Variants in SCUBE3 observed in about 807,000 individuals in gnomAD.
SCUBE3 encodes signal peptide, CUB domain and EGF like domain containing 3, also known as signal peptide, CUB and EGF-like domain-containing protein 3.
SCUBE3 carries 33 observed loss-of-function variants against 116.8 expected under a neutral mutation model. The observed-to-expected ratio is 0.28, with a 90% CI of 0.21 to 0.38. The LOEUF (loss-of-function observed/expected upper bound fraction) is 0.38. Among genes scored for constraint, SCUBE3 ranks in the 10% least tolerant of loss-of-function variants. SCUBE3 has a pLI of 1.00. For missense variants in SCUBE3, 1,007 were observed against 1,324.8 expected (o/e 0.76, Z 3.72); for synonymous variants, 418 against 496.9 (o/e 0.84, Z 2.11).
Position 35,214,376 on chromosome 6 carries a change from C to T in SCUBE3, c.-43C>T. On this transcript the variant is annotated 5_prime_UTR_variant, in exon 1 of 22. Coordinates refer to ENST00000274938, the MANE Select transcript of SCUBE3 (RefSeq NM_152753.4). The surrounding 1 kb of genome is among the most constrained non-coding windows in gnomAD (Gnocchi z 6.3). ...CGGCCGGCTTCCGCCCTCCCCTGGC[C>T]GCGAGACCGGCCCCGGCGGCTGGGC... 3 of 1,340,780 alleles carry T rather than the reference C, an allele frequency of 2.2e-6. No homozygotes were observed. Among genetic ancestry groups the T allele is most frequent in the Non-Finnish European group, 2.9e-6 (3 of 1,024,144 alleles). 83.1% of individuals were successfully genotyped at this position (1,340,780 alleles called of 1,614,324 possible).
At position 35,245,480 on chromosome 6, in the gene SCUBE3, G is replaced by A. The variant is rs899573215; in HGVS notation, c.2599+55G>A. On this transcript the variant is annotated intron_variant, in intron 19 of 21. Coordinates refer to ENST00000274938, the MANE Select transcript of SCUBE3 (RefSeq NM_152753.4). This position sits in a 1 kb window ranked among gnomAD's most constrained non-coding sequence, Gnocchi z 4.2. ...AGGGCAGTCCAAATCTGGTTAAGGC[G>A]GAGAACAAAGAGAGAGACTGATACA... is the stretch of plus-strand genomic sequence containing the variant. 7.7e-6 allele frequency: 11 copies of A among 1,435,166 alleles called. No homozygotes were observed. The highest frequency in any genetic ancestry group is 5.6e-5 in the African/African-American group (4 of 71,574). The allele number at this position is 1,435,166 out of a possible 1,614,324, so 88.9% of individuals were successfully genotyped here. A position where few individuals can be genotyped will look rare whatever the true frequency, so the allele number is the denominator to read the frequency against.
rs1031858958 is a variant in SCUBE3, at chr6:35,243,537, G to T, written c.1910-57G>T. ...GCGGGGAGTGGGAAGGGGAGTCCCAGGCCTGGGTGGTGGGAAATGCGGGGG... is the reference window on the plus strand; with the variant it reads ...GCGGGGAGTGGGAAGGGGAGTCCCATGCCTGGGTGGTGGGAAATGCGGGGG... On this transcript the variant is annotated intron_variant, in intron 15 of 21. Transcript: ENST00000274938. The surrounding 1 kb of genome is among the most constrained non-coding windows in gnomAD (Gnocchi z 6.6). The T allele has an allele frequency of 4.7e-6, 7 of 1,477,362 alleles. No homozygotes were observed. Among genetic ancestry groups the T allele is most frequent in the African/African-American group, 2.8e-5 (2 of 72,090 alleles). 91.5% of individuals were successfully genotyped at this position (1,477,362 alleles called of 1,614,324 possible). A position where few individuals can be genotyped will look rare whatever the true frequency, so the allele number is the denominator to read the frequency against.
rs770246723 is a variant in SCUBE3 at position 35,245,935 on chromosome 6, C to A, written c.2600-9C>A. 1.2e-6 allele frequency: 2 copies of A among 1,613,480 alleles called. No individual in the cohort carries two copies. Among genetic ancestry groups the A allele is most frequent in the Non-Finnish European group, 1.7e-6 (2 of 1,179,600 alleles). ...TGCTGCTCTACTGACCTGCTGCTTGCCTTCCCAGCATCCCCATCCTCCATT... is the reference window on the plus strand; with the variant it reads ...TGCTGCTCTACTGACCTGCTGCTTGACTTCCCAGCATCCCCATCCTCCATT... On this transcript the variant is annotated splice_polypyrimidine_tract_variant and intron_variant, in intron 19 of 21. Transcript: ENST00000274938. This position sits in a 1 kb window ranked among gnomAD's most constrained non-coding sequence, Gnocchi z 4.2.
intron 1 of SCUBE3, among the ~76,000 whole-genome samples, chr6:35,225,079 T>C (rs1013823429): frequency 3.3e-5 from 5 of 151,674 alleles, no homozygotes; most frequent in African/African-American, 9.8e-5. Flanking sequence ...GTGGCTGTCA[T>C]ACTGTCTCGA....
Position 35,227,632 on chromosome 6 carries a change from C to T in SCUBE3, c.138C>T (p.Cys46=). 6.2e-7 allele frequency: 1 copy of T among 1,614,038 alleles called. No individual in the cohort carries two copies. The highest frequency in any genetic ancestry group is 8.5e-7 in the Non-Finnish European group (1 of 1,179,930). Residue 46 remains cysteine (C), a synonymous_variant, in exon 2 of 22, where the codon TGC becomes TGT. Coordinates refer to ENST00000274938, the MANE Select transcript of SCUBE3 (RefSeq NM_152753.4). ...ACAACTGCCACATCGATGCTATCTG[C>T]CAGAACACCCCGAGGTCATACAAGT... ...GTDNCHIDAI[C]QNTPRSYKCI...
At chr6:35,236,696 G>A (rs1017123744) in intron 6 of SCUBE3, among the ~76,000 whole-genome samples, 2 of 152,228 alleles carry the variant, frequency 1.3e-5, no homozygotes, top group Non-Finnish European at 2.9e-5. Flanking sequence ...GGGCCTGAGT[G>A]TGGGGAGTCA....
intron 1 of SCUBE3, chr6:35,223,880 C>G (rs909890182): frequency 1.3e-5 from 2 of 152,180 alleles, no homozygotes; most frequent in Admixed American, 1.3e-4. Context: ...TAGGTCTGTT[C>G]TGCTTCAAAA....
In SCUBE3 at chr6:35,245,523, G is replaced by T. The variant is rs1003481049; in HGVS notation, c.2599+98G>T. ...CTGATACAGGAAGAAATGGGGCAGT[G>T]AAGTTAGGGATCTATGAGGGTGAAA... On this transcript the variant is annotated intron_variant, in intron 19 of 21. Coordinates refer to ENST00000274938, the MANE Select transcript of SCUBE3 (RefSeq NM_152753.4). This position sits in a 1 kb window ranked among gnomAD's most constrained non-coding sequence, Gnocchi z 4.2. 1.0e-4 allele frequency: 103 copies of T among 998,140 alleles called. 1 individual carries two copies. In the Admixed American group the frequency reaches 1.9e-3, roughly 19 times the overall value. The allele number at this position is 998,140 out of a possible 1,614,324, so 61.8% of individuals were successfully genotyped here.
chr6:35,245,362 G>A lies in SCUBE3; in HGVS notation c.2536G>A (p.Val846Ile). ...ACCCAAGCGCAAGATCCTTATCGTG[G>A]TACCAGAGATCTTCCTGCCATCTGA... is the stretch of plus-strand genomic sequence containing the variant. ...PPPKRKILIV[V>I]PEIFLPSEDE... is the part of the protein sequence containing the mutation. Residue 846 changes from valine to isoleucine, a missense_variant, in exon 19 of 22, where the codon GTA becomes ATA. Val to Ile is a conservative substitution (Grantham distance 29). Transcript: ENST00000274938. This position sits in a 1 kb window ranked among gnomAD's most constrained non-coding sequence, Gnocchi z 4.2. The A allele has an allele frequency of 6.2e-7, 1 of 1,614,160 alleles. No individual in the cohort carries two copies.
Position 35,219,585 on chromosome 6 carries a change from C to G in SCUBE3, c.85+5082C>G, listed in dbSNP as rs903186904. On this transcript the variant is annotated intron_variant, in intron 1 of 21. Coordinates refer to ENST00000274938, the MANE Select transcript of SCUBE3 (RefSeq NM_152753.4). This position sits in a 1 kb window ranked among gnomAD's most constrained non-coding sequence, Gnocchi z 4.7. ...CTTCAGGTCTGGTCACTGGTGGTAA[C>G]AAGCTGAGGAAAGACCTGGGCAGGG... Among the ~76,000 whole-genome samples, 3 of 152,010 alleles carry G rather than the reference C, an allele frequency of 2.0e-5. No homozygotes were observed. Among genetic ancestry groups the G allele is most frequent in the African/African-American group, 7.3e-5 (3 of 41,326 alleles).
At position 35,232,716 on chromosome 6, in the gene SCUBE3, A is replaced by G; in HGVS notation, c.470-134A>G. On this transcript the variant is annotated intron_variant, in intron 4 of 21. Transcript: ENST00000274938. This position sits in a 1 kb window ranked among gnomAD's most constrained non-coding sequence, Gnocchi z 4.2. ...AAGACAGGAGGCCTGGGACAAGGAG[A>G]GTCAGTCCCCTCGTGTTGAATTCAA... 1 of 819,854 alleles carries G rather than the reference A, an allele frequency of 1.2e-6. No homozygotes were observed. The allele number at this position is 819,854 out of a possible 1,614,324, so 50.8% of individuals were successfully genotyped here.
rs567721599 is a variant in SCUBE3 at position 35,240,595 on chromosome 6, A to G, written c.1069+105A>G. ...GCTTGTGGCTATGGGCAATCCCTGGATGCATGCACCATGTCTGCATCCGCT... is the reference window on the plus strand; with the variant it reads ...GCTTGTGGCTATGGGCAATCCCTGGGTGCATGCACCATGTCTGCATCCGCT... On this transcript the variant is annotated intron_variant, in intron 9 of 21. Coordinates refer to ENST00000274938, the MANE Select transcript of SCUBE3 (RefSeq NM_152753.4). This position sits in a 1 kb window ranked among gnomAD's most constrained non-coding sequence, Gnocchi z 4.6. 1.4e-4 allele frequency: 81 copies of G among 588,596 alleles called. No homozygotes were observed. In the East Asian group the frequency reaches 2.4e-3, roughly 17 times the overall value. 36.5% of individuals were successfully genotyped at this position (588,596 alleles called of 1,614,324 possible).
intron 6 of SCUBE3, among the ~76,000 whole-genome samples, chr6:35,236,469 G>A (rs565092617): frequency 2.0e-5 from 3 of 152,348 alleles, no homozygotes; most frequent in Non-Finnish European, 4.4e-5. Context: ...CGGGTGGCTA[G>A]CCTTGGAACC....
Position 35,243,444 on chromosome 6 carries a change from C to T in SCUBE3, c.1910-150C>T, listed in dbSNP as rs116154175. The T allele has an allele frequency of 3.1e-3, 2,712 of 874,624 alleles. 57 individuals are homozygous for T. In the African/African-American group the frequency reaches 0.041, roughly 13 times the overall value. The allele number at this position is 874,624 out of a possible 1,614,324, so 54.2% of individuals were successfully genotyped here. On this transcript the variant is annotated intron_variant, in intron 15 of 21. Coordinates refer to ENST00000274938, the MANE Select transcript of SCUBE3 (RefSeq NM_152753.4). This position sits in a 1 kb window ranked among gnomAD's most constrained non-coding sequence, Gnocchi z 6.6. ...CAATCCTCCTGCACACGGTTTTGACCCTCCTATCCCCCCAAGTAGGATTGT... is the reference window on the plus strand; with the variant it reads ...CAATCCTCCTGCACACGGTTTTGACTCTCCTATCCCCCCAAGTAGGATTGT...
chr6:35,218,055 A>T, intron 1 of SCUBE3: 1 of 792,090 alleles, frequency 1.3e-6, no homozygotes, highest in South Asian at 5.8e-5. Flanking sequence ...CTAAGGCCAG[A>T]ATTACTGCAG....
Position 35,227,629 on chromosome 6 carries a change from C to T in SCUBE3, c.135C>T (p.Ile45=), listed in dbSNP as rs1234923027. 1 of 1,614,010 alleles carries T rather than the reference C, an allele frequency of 6.2e-7. No individual in the cohort carries two copies. The highest frequency in any genetic ancestry group is 2.2e-5 in the East Asian group (1 of 44,898). The change falls in exon 2 of 22, where the codon ATC becomes ATT. Residue 45 remains isoleucine (I), a synonymous_variant. Transcript: ENST00000274938. ...EGTDNCHIDA[I]CQNTPRSYKC... is the part of the protein sequence containing the mutation. ...CTGACAACTGCCACATCGATGCTAT[C>T]TGCCAGAACACCCCGAGGTCATACA...
rs958413887 is a variant in SCUBE3, at chr6:35,219,111, A to G, written c.85+4608A>G. On this transcript the variant is annotated intron_variant, in intron 1 of 21. Coordinates refer to ENST00000274938, the MANE Select transcript of SCUBE3 (RefSeq NM_152753.4). The surrounding 1 kb of genome is among the most constrained non-coding windows in gnomAD (Gnocchi z 4.7). ...CTGCCTGAGGCTAGGTCATCTGGAT[A>G]CTCTTCCTTTCTTCCCCCACCCCAG... Among the ~76,000 whole-genome samples the G allele has an allele frequency of 1.3e-5, 2 of 151,846 alleles. No homozygotes were observed. Among genetic ancestry groups the G allele is most frequent in the Non-Finnish European group, 2.9e-5 (2 of 67,954 alleles).
intron 6 of SCUBE3, among the ~76,000 whole-genome samples, chr6:35,234,616 A>G (rs1783685119): frequency 6.6e-6 from 1 of 151,976 alleles, no homozygotes; most frequent in Admixed American, 6.6e-5. Context: ...TTTTTTACTC[A>G]TAGGTCTAAT....
In SCUBE3 at chr6:35,227,527, C is replaced by T. The variant is rs1783376254; in HGVS notation, c.86-53C>T. On this transcript the variant is annotated intron_variant, in intron 1 of 21. Coordinates refer to ENST00000274938, the MANE Select transcript of SCUBE3 (RefSeq NM_152753.4). ...CCCTTGGAAGCCCACCTTCAAGACA[C>T]CCCTTAAGAGGTGCCAACAGAGGTT... The T allele has an allele frequency of 1.9e-6, 3 of 1,610,058 alleles. No individual in the cohort carries two copies. The South Asian group carries it at 3.3e-5, about 18-fold the overall frequency.
Sources: allele counts gnomAD v4.1 joint callset (sites outside exome capture counted in the v4.1 genomes callset), GRCh38; gene constraint gnomAD v4.1.1; non-coding constraint Gnocchi (gnomAD v3.1); transcripts MANE v1.5; gene names NCBI Gene and HGNC (gene_info 2026-07-23, HGNC 2026-07-21).